Variants in GLB1 observed in about 807,000 individuals in gnomAD.
GLB1 encodes galactosidase beta 1, also known as beta-galactosidase.
A neutral mutation model predicts 74.0 loss-of-function variants in GLB1; 56 were observed. The ratio of observed to expected loss-of-function variants is 0.76; its 90% CI spans 0.61 to 0.94. The LOEUF is 0.94. Among genes scored for constraint, GLB1 ranks in the 40% least tolerant of loss-of-function variants. The pLI is 0.00. For missense variants in GLB1, 787 were observed against 845.5 expected (o/e 0.93, Z 0.86); for synonymous variants, 323 against 323.6 (o/e 1.00, Z 0.02).
At chr3:33,045,525 A>C (rs1049056131) in intron 10 of GLB1, 2 of 988,358 alleles carry the variant, frequency 2.0e-6, no homozygotes, top group African/African-American at 1.7e-5. Flanking sequence ...CTCTCTTGCA[A>C]ATAAGGACGG....
intron 1 of GLB1, chr3:33,092,355 A>G: frequency 1.0e-6 from 1 of 987,816 alleles, no homozygotes; most frequent in Non-Finnish European, 1.2e-6. Context: ...TGTTCTCCCA[A>G]ATTACCTGGC....
chr3:33,038,638 G>A (rs531167359), intron 10 of GLB1, among the ~76,000 whole-genome samples: 6 of 152,292 alleles, frequency 3.9e-5, no homozygotes, highest in Admixed American at 2.6e-4. Context: ...GCTAGAAGCC[G>A]AACACAACTT....
chr3:33,020,337 G>A (rs888614101), intron 12 of GLB1, among the ~76,000 whole-genome samples: 1 of 152,204 alleles, frequency 6.6e-6, no homozygotes, highest in African/African-American at 2.4e-5. Context: ...ACTCCTTCCA[G>A]AAGGTGGTTG....
Position 32,996,861 on chromosome 3 carries a change from C to T in GLB1, c.*184G>A, listed in dbSNP as rs143430374. 1.0e-3 allele frequency: 1,063 copies of T among 1,059,684 alleles called. 7 individuals are homozygous for T. In the African/African-American group the frequency reaches 0.015, roughly 14 times the overall value. The allele number at this position is 1,059,684 out of a possible 1,614,324, so 65.6% of individuals were successfully genotyped here. A position where few individuals can be genotyped will look rare whatever the true frequency, so the allele number is the denominator to read the frequency against. On this transcript the variant is annotated 3_prime_UTR_variant, in exon 16 of 16. Coordinates refer to ENST00000307363, the MANE Select transcript of GLB1 (RefSeq NM_000404.4). ...GTTACTGTGCTGTCAGCCCCTCACACATTCCAGGTGGTCCCTGAAGGTGGG... is the reference window on the plus strand; with the variant it reads ...GTTACTGTGCTGTCAGCCCCTCACATATTCCAGGTGGTCCCTGAAGGTGGG...
intron 10 of GLB1, chr3:33,030,546 T>C (rs1403280928): frequency 3.0e-6 from 3 of 985,338 alleles, no homozygotes; most frequent in East Asian, 1.1e-4. Context: ...ATCAAGCCAA[T>C]GTCATTCCAG....
intron 1 of GLB1, among the ~76,000 whole-genome samples, chr3:33,084,744 A>G (rs1398651540): frequency 1.3e-5 from 2 of 152,162 alleles, no homozygotes; most frequent in Non-Finnish European, 2.9e-5. Flanking sequence ...AAAATATGTA[A>G]TTTCTTTAAA....
chr3:33,066,399 T>C, intron 4 of GLB1, among the ~76,000 whole-genome samples: 1 of 152,156 alleles, frequency 6.6e-6, no homozygotes, highest in East Asian at 1.9e-4. Flanking sequence ...AGATCTGAGC[T>C]AGGACACTCA....
intron 6 of GLB1, among the ~76,000 whole-genome samples, chr3:33,054,860 C>G (rs1170576903): frequency 6.6e-6 from 1 of 152,168 alleles, no homozygotes; most frequent in Admixed American, 6.6e-5. Context: ...GAAGCATGAG[C>G]AGTGTCCACA....
At chr3:32,972,906 C>A in the GLB1 span, among the ~76,000 whole-genome samples, 2 of 152,222 alleles carry the variant, frequency 1.3e-5, no homozygotes, top group Non-Finnish European at 2.9e-5. Context: ...CCTTACCAGG[C>A]ATTGTGAAGA....
At chr3:32,974,574 G>A in the GLB1 span, among the ~76,000 whole-genome samples, 1 of 152,166 alleles carries the variant, frequency 6.6e-6, no homozygotes, top group Non-Finnish European at 1.5e-5. Flanking sequence ...AAGGTCTGCA[G>A]TTGCCAAGCT....
chr3:33,066,719 T>C lies in GLB1; in HGVS notation c.458-1162A>G, dbSNP rs184084358. On this transcript the variant is annotated intron_variant, in intron 4 of 15. Coordinates refer to ENST00000307363, the MANE Select transcript of GLB1 (RefSeq NM_000404.4). ...TCTTCTCAGTCACAGGAAGGCTTTT[T>C]TTCCGTATAAAATGAAGTTCTAATA... Among the ~76,000 whole-genome samples, 684 of 152,296 alleles carry C rather than the reference T, an allele frequency of 4.5e-3. 13 individuals carry two copies. Among genetic ancestry groups the C allele is most frequent in the Admixed American group, 0.042 (642 of 15,294 alleles).
At chr3:33,091,731 G>A (rs1021426130) in intron 1 of GLB1, 1 of 985,270 alleles carries the variant, frequency 1.0e-6, no homozygotes, top group African/African-American at 1.7e-5. Context: ...GAGCAGCAGG[G>A]TTAGCCTCTC....
At chr3:33,089,840 A>C (rs1479160364) in intron 1 of GLB1, among the ~76,000 whole-genome samples, 1 of 152,240 alleles carries the variant, frequency 6.6e-6, no homozygotes, top group East Asian at 1.9e-4. Context: ...TTTCACAACA[A>C]TGTGAATATA....
chr3:33,060,982 G>GAA lies in GLB1; in HGVS notation c.553-2715_553-2714dup, dbSNP rs558114399. On this transcript the variant is annotated intron_variant, in intron 5 of 15. Coordinates refer to ENST00000307363, the MANE Select transcript of GLB1 (RefSeq NM_000404.4). Reference sequence around the variant, plus strand: ...CAAGTTCTATGTTACTACCAATTAGGAAAAAAAAAGGTGGGTGAAGGCTGG... The same window carrying GAA: ...CAAGTTCTATGTTACTACCAATTAGGAAAAAAAAAAAGGTGGGTGAAGGCTGG... 3.8e-3 allele frequency among the ~76,000 whole-genome samples: 578 copies of GAA among 151,236 alleles called. 6 individuals are homozygous for GAA. The highest frequency in any genetic ancestry group is 0.013 in the African/African-American group (534 of 41,180).
intron 2 of GLB1, among the ~76,000 whole-genome samples, chr3:33,069,462 A>C (rs1354621576): frequency 6.6e-6 from 1 of 152,220 alleles, no homozygotes; most frequent in Admixed American, 6.5e-5. Flanking sequence ...TTTCCTTTCC[A>C]TGTTATAATG....
At chr3:32,999,279 T>G (rs1368483992) in intron 15 of GLB1, among the ~76,000 whole-genome samples, 3 of 152,198 alleles carry the variant, frequency 2.0e-5, no homozygotes, top group Admixed American at 2.0e-4. Context: ...TTTTATCAGC[T>G]TAAAATCTGC....
chr3:33,024,942 A>G (rs1697670560), intron 10 of GLB1, among the ~76,000 whole-genome samples: 1 of 143,570 alleles, frequency 7.0e-6, no homozygotes, highest in Non-Finnish European at 1.5e-5. Context: ...GAATATACAA[A>G]TCCTCTTTTT....
intron 10 of GLB1, among the ~76,000 whole-genome samples, chr3:33,042,528 C>T (rs1431468385): frequency 2.6e-5 from 4 of 151,996 alleles, no homozygotes; most frequent in East Asian, 1.9e-4. Context: ...CCACTATGCC[C>T]GGCTAATTTT....
chr3:32,968,301 C>T, the GLB1 span, among the ~76,000 whole-genome samples: 1 of 152,078 alleles, frequency 6.6e-6, no homozygotes, highest in African/African-American at 2.4e-5. Context: ...AAGGAAAGGA[C>T]ATTGGAAGGA....
Sources: gnomAD v4.1 joint callset for allele counts (sites outside exome capture counted in the v4.1 genomes callset) on GRCh38, gnomAD v4.1.1 for gene constraint, MANE v1.5 for transcripts, NCBI Gene and HGNC (gene_info 2026-07-23, HGNC 2026-07-21) for gene names.